The following PDE6H variants were observed in gnomAD, a reference collection of about 807,000 sequenced individuals.
PDE6H encodes the protein phosphodiesterase 6H.
A neutral mutation model predicts 9.2 loss-of-function variants in PDE6H; 11 were observed. The ratio of observed to expected loss-of-function variants is 1.19; its 90% confidence interval spans 0.75 to 1.97. The LOEUF is 1.97. PDE6H is among the 30% of genes most tolerant of loss of function. The probability of loss-of-function intolerance (pLI) is 0.00; values close to 1 mark genes in which losing one functional copy is unlikely to be tolerated. For synonymous variants in PDE6H, 36 were observed against 33.6 expected, an observed-to-expected ratio of 1.07 and a Z score of -0.25; for missense variants, 98 against 101.5, an observed-to-expected ratio of 0.97 and a Z score of 0.15.
chr12:14,981,679 C>G lies in PDE6H; in HGVS notation c.*203C>G, dbSNP rs1483781124. 1 of 617,312 alleles carries G rather than the reference C, an allele frequency of 1.6e-6. No homozygotes were observed. Among genetic ancestry groups the G allele is most frequent in the Non-Finnish European group, 2.9e-6 (1 of 343,798 alleles). The allele number at this position is 617,312 out of a possible 1,614,324, so 38.2% of individuals were successfully genotyped here. On this transcript the variant is annotated 3_prime_UTR_variant, in exon 4 of 4. Coordinates refer to ENST00000266395, the MANE Select transcript of PDE6H (RefSeq NM_006205.3). ...ACAGCTCAAAATAGTGGATGCATTT[C>G]AAACTTGACCACCTTTTCCTACCAG...
At chr12:14,978,641 A>G (rs1352868383) in intron 2 of PDE6H, among the ~76,000 whole-genome samples, 2 of 152,196 alleles carry the variant, frequency 1.3e-5, no homozygotes, top group East Asian at 3.9e-4. Flanking sequence ...AACTATCATT[A>G]CTTTCATGTT....
intron 2 of PDE6H, among the ~76,000 whole-genome samples, chr12:14,978,584 A>T (rs771066458): frequency 6.6e-6 from 1 of 152,206 alleles, no homozygotes; most frequent in Admixed American, 6.5e-5. Context: ...CAACACACAG[A>T]TCATATGCTA....
intron 2 of PDE6H, 72 bp from the exon 3 acceptor site, chr12:14,979,107 C>T (rs1459581145): frequency 4.2e-6 from 4 of 959,868 alleles, no homozygotes; most frequent in Non-Finnish European, 6.7e-6. Flanking sequence ...AATCAAGAAA[C>T]TCTCCATGTG....
At chr12:14,978,802 C>T (rs1864636283) in intron 2 of PDE6H, among the ~76,000 whole-genome samples, 1 of 152,150 alleles carries the variant, frequency 6.6e-6, no homozygotes, top group Non-Finnish European at 1.5e-5. Flanking sequence ...ATAATAGATG[C>T]TTAGTTAATG....
At chr12:14,977,233 G>A (rs1419436722) in intron 1 of PDE6H, among the ~76,000 whole-genome samples, 1 of 152,202 alleles carries the variant, frequency 6.6e-6, no homozygotes, top group East Asian at 1.9e-4. Context: ...AGGTCCTCCT[G>A]TCCAGACAAC....
Position 14,981,561 on chromosome 12 carries a change from T to A in PDE6H, c.*85T>A. 1.1e-6 allele frequency: 1 copy of A among 885,050 alleles called. No homozygotes were observed. The highest frequency in any genetic ancestry group is 1.9e-6 in the Non-Finnish European group (1 of 521,402). The allele number at this position is 885,050 out of a possible 1,614,324, so 54.8% of individuals were successfully genotyped here. ...TGTTGATCTGCCGGAGTCTTGAAAT[T>A]CAGCTGATTGGAAGTGGTTTCTTTG... On this transcript the variant is annotated 3_prime_UTR_variant, in exon 4 of 4. Transcript: ENST00000266395.
intron 3 of PDE6H, among the ~76,000 whole-genome samples, chr12:14,979,872 A>G (rs1012905135): frequency 2.0e-5 from 3 of 152,340 alleles, no homozygotes; most frequent in Non-Finnish European, 2.9e-5. Context: ...TAGAGTTCCT[A>G]TATGTCCTCT....
intron 2 of PDE6H, 65 bp from the exon 3 acceptor site, chr12:14,979,114 T>G: frequency 1.9e-6 from 2 of 1,043,974 alleles, no homozygotes; most frequent in African/African-American, 3.1e-5. Flanking sequence ...AAACTCTCCA[T>G]GTGAGTGACT....
At chr12:14,976,987 G>A (rs899447670) in intron 1 of PDE6H, among the ~76,000 whole-genome samples, 3 of 152,144 alleles carry the variant, frequency 2.0e-5, no homozygotes, top group Admixed American at 6.5e-5. Context: ...TTGAAGAATG[G>A]CAATGTGCAT....
At chr12:14,979,252 G>T in intron 3 of PDE6H, 33 bp downstream of exon 3, 1 of 1,505,714 alleles carries the variant, frequency 6.6e-7, no homozygotes, top group Non-Finnish European at 9.2e-7. Flanking sequence ...TGAGAACTTC[G>T]CACTTGGAGT....
chr12:14,979,965 C>A (rs566316740), intron 3 of PDE6H, among the ~76,000 whole-genome samples: 18 of 152,088 alleles, frequency 1.2e-4, no homozygotes, highest in African/African-American at 4.3e-4. Flanking sequence ...GAGCCAATGT[C>A]GATGCAGTAT....
Position 14,981,386 on chromosome 12 carries a change from T to G in PDE6H, c.176-14T>G. On this transcript the variant is annotated splice_polypyrimidine_tract_variant and intron_variant, in intron 3 of 3. Coordinates refer to ENST00000266395, the MANE Select transcript of PDE6H (RefSeq NM_006205.3). ...GTGAGGTTGGCTTACGTGCTCTTCT[T>G]CCATCTCTTGCAGATATCACAGTGA... 1 of 1,583,770 alleles carries G rather than the reference T, an allele frequency of 6.3e-7. No homozygotes were observed. Among genetic ancestry groups the G allele is most frequent in the Non-Finnish European group, 8.7e-7 (1 of 1,152,536 alleles).
rs77545684 is a variant in PDE6H at position 14,977,583 on chromosome 12, T to A, written c.-41-389T>A. 3.9e-5 allele frequency among the ~76,000 whole-genome samples: 6 copies of A among 152,374 alleles called. No individual in the cohort carries two copies. In the East Asian group the frequency reaches 1.2e-3, roughly 29 times the overall value. On this transcript the variant is annotated intron_variant, in intron 1 of 3. Coordinates refer to ENST00000266395, the MANE Select transcript of PDE6H (RefSeq NM_006205.3). ...TCTATTTTATTTATTTATTTTTAAATTTTAATTTGTTATACCTAATGTGAA... is the reference window on the plus strand; with the variant it reads ...TCTATTTTATTTATTTATTTTTAAAATTTAATTTGTTATACCTAATGTGAA...
At chr12:14,976,550 G>A (rs2120822667) in intron 1 of PDE6H, among the ~76,000 whole-genome samples, 1 of 152,218 alleles carries the variant, frequency 6.6e-6, no homozygotes, top group East Asian at 1.9e-4. Context: ...ATAGGCTGGT[G>A]TGATGGGTCA....
chr12:14,977,547 C>A (rs1234102963), intron 1 of PDE6H, among the ~76,000 whole-genome samples: 1 of 152,156 alleles, frequency 6.6e-6, no homozygotes, highest in African/African-American at 2.4e-5. Flanking sequence ...ACGTAGAATG[C>A]TTGTGGCAAA....
chr12:14,981,532 G>T lies in PDE6H; in HGVS notation c.*56G>T. The stretch of plus-strand genomic sequence containing the variant: ...ATCTGCTGTAATTTTGGTTGCTTTT[G>T]CCCTGTTGATCTGCCGGAGTCTTGA... On this transcript the variant is annotated 3_prime_UTR_variant, in exon 4 of 4. Transcript: ENST00000266395. The T allele has an allele frequency of 8.2e-7, 1 of 1,215,624 alleles. No homozygotes were observed. 75.3% of individuals were successfully genotyped at this position (1,215,624 alleles called of 1,614,324 possible).
chr12:14,980,316 T>A (rs1048982614), intron 3 of PDE6H, among the ~76,000 whole-genome samples: 15 of 152,242 alleles, frequency 9.9e-5, no homozygotes, highest in Non-Finnish European at 2.1e-4. Context: ...TGATAGCTCA[T>A]TTTTTAAAAT....
In PDE6H at chr12:14,981,495, A is replaced by AT. The variant is rs1864683786; in HGVS notation, c.*19_*20insT. 6.4e-7 allele frequency: 1 copy of AT among 1,568,206 alleles called. No individual in the cohort carries two copies. Among genetic ancestry groups the AT allele is most frequent in the African/African-American group, 1.4e-5 (1 of 73,956 alleles). On this transcript the variant is annotated 3_prime_UTR_variant, in exon 4 of 4. Coordinates refer to ENST00000266395, the MANE Select transcript of PDE6H (RefSeq NM_006205.3). ...TATCTGAAGTGCCAGAGGTTCTGCC[A>AT]CTCTCAATGACATCTGCTGTAATTT... is the stretch of plus-strand genomic sequence containing the variant.
chr12:14,973,365 G>A (rs1336678334), intron 1 of PDE6H, among the ~76,000 whole-genome samples: 2 of 152,184 alleles, frequency 1.3e-5, no homozygotes, highest in Non-Finnish European at 2.9e-5. Context: ...TGACCTCCCT[G>A]TTTGCAGCTT....
Sources: gnomAD v4.1 joint callset for allele counts (sites outside exome capture counted in the v4.1 genomes callset) on GRCh38, gnomAD v4.1.1 for gene constraint, MANE v1.5 for transcripts, NCBI Gene and HGNC (gene_info 2026-07-23, HGNC 2026-07-21) for gene names.